Variants in SLC14A2 observed in about 807,000 individuals in gnomAD.
SLC14A2 encodes solute carrier family 14 member 2, also known as urea transporter 2.
Under a neutral mutation model 104.6 loss-of-function variants are expected in SLC14A2, and 91 were observed. That is an observed-to-expected ratio of 0.87 (90% CI 0.73 to 1.04). The LOEUF (loss-of-function observed/expected upper bound fraction) is 1.04. Among genes scored for constraint, SLC14A2 ranks in the 50% least tolerant of loss-of-function variants. The pLI, the probability that SLC14A2 is intolerant of heterozygous loss-of-function variation, is 0.00. For synonymous variants in SLC14A2, 476 were observed against 466.4 expected (o/e 1.02, Z -0.27); for missense variants, 1,189 against 1,156.0 (o/e 1.03, Z -0.41).
chr18:45,673,929 T>C, intron 18 of SLC14A2, 112 bp downstream of exon 18: 1 of 1,091,096 alleles, frequency 9.2e-7, no homozygotes, highest in Non-Finnish European at 1.3e-6. Flanking sequence ...AACACTATTT[T>C]CACTGAATAC....
chr18:45,667,068 TGAA>T lies in SLC14A2; in HGVS notation c.1693_1695del (p.Lys565del). Reference sequence around the variant, plus strand: ...GCCCTCAGCTACATCACAGGAGAGATGAAGGAGTGTGGAGAGGGACTTAAAGGT... The same window carrying T: ...GCCCTCAGCTACATCACAGGAGAGATGGAGTGTGGAGAGGGACTTAAAGGT... On this transcript the variant is annotated inframe_deletion, in exon 13 of 20. Transcript: ENST00000255226. 1 of 1,613,784 alleles carries T rather than the reference TGAA, an allele frequency of 6.2e-7. No homozygotes were observed. The highest frequency in any genetic ancestry group is 8.5e-7 in the Non-Finnish European group (1 of 1,179,816).
intron 1 of SLC14A2, among the ~76,000 whole-genome samples, chr18:45,250,465 C>G (rs1346445415): frequency 6.6e-6 from 1 of 150,522 alleles, no homozygotes; most frequent in Non-Finnish European, 1.5e-5. Context: ...TCTCTTTTTT[C>G]TCTCCTTCCT....
intron 1 of SLC14A2, among the ~76,000 whole-genome samples, chr18:45,221,675 A>G (rs2084063708): frequency 2.0e-5 from 3 of 152,166 alleles, no homozygotes; most frequent in African/African-American, 2.4e-5. Context: ...AGTCAGCAGG[A>G]AAGTTTCAGT....
chr18:45,322,473 A>G (rs1599673761), intron 1 of SLC14A2, among the ~76,000 whole-genome samples: 2 of 152,248 alleles, frequency 1.3e-5, no homozygotes. Context: ...TGGGACTTAC[A>G]TAACGTTCTG....
intron 1 of SLC14A2, among the ~76,000 whole-genome samples, chr18:45,414,124 A>G (rs1040909056): frequency 2.0e-5 from 3 of 152,226 alleles, no homozygotes; most frequent in African/African-American, 7.2e-5. Flanking sequence ...TTTATTATTT[A>G]CTGCAAATGG....
chr18:45,611,127 C>T (rs1468359317), upstream of SLC14A2, among the ~76,000 whole-genome samples: 4 of 152,148 alleles, frequency 2.6e-5, no homozygotes, highest in South Asian at 2.1e-4. Context: ...CCTACCCTCA[C>T]CAAACACCAG....
At chr18:45,521,843 G>A (rs1330963359) in intron 2 of SLC14A2, among the ~76,000 whole-genome samples, 1 of 152,026 alleles carries the variant, frequency 6.6e-6, no homozygotes, top group African/African-American at 2.4e-5. Flanking sequence ...TCAAGCTGAG[G>A]GAGGCAGGAA....
chr18:45,281,422 T>C lies in SLC14A2; in HGVS notation c.-125+68231T>C, dbSNP rs73427934. 3.6e-3 allele frequency among the ~76,000 whole-genome samples: 545 copies of C among 152,348 alleles called. 2 individuals carry two copies. Among genetic ancestry groups the C allele is most frequent in the African/African-American group, 0.013 (520 of 41,580 alleles). On this transcript the variant is annotated intron_variant, in intron 1 of 20. Coordinates refer to the SLC14A2 transcript ENST00000586448. ...CAGGCAGGATTATCATTGGTCTGCA[T>C]GTTACATGAACAACAAAATGTCGGA...
chr18:45,194,300 C>T, the SLC14A2 span, among the ~76,000 whole-genome samples: 512 of 152,240 alleles, frequency 3.4e-3, 6 homozygotes, highest in African/African-American at 0.012. Context: ...GCCTTTAAAT[C>T]TTTTACCAGT....
intron 2 of SLC14A2, among the ~76,000 whole-genome samples, chr18:45,517,283 C>T (rs901687361): frequency 1.3e-5 from 2 of 152,170 alleles, no homozygotes; most frequent in East Asian, 1.9e-4. Context: ...TCTCATGAGA[C>T]GCGGCCCTGG....
At chr18:45,284,150 T>C (rs1441433158) in intron 1 of SLC14A2, among the ~76,000 whole-genome samples, 1 of 152,248 alleles carries the variant, frequency 6.6e-6, no homozygotes, top group Non-Finnish European at 1.5e-5. Context: ...TATATTTCTA[T>C]TGGACAAAAC....
chr18:45,200,588 A>G, the SLC14A2 span, among the ~76,000 whole-genome samples: 1 of 152,080 alleles, frequency 6.6e-6, no homozygotes, highest in Non-Finnish European at 1.5e-5. Context: ...TCTACCCTCA[A>G]AGTCATTTTT....
At chr18:45,297,828 G>A (rs997193136) in intron 1 of SLC14A2, among the ~76,000 whole-genome samples, 2 of 152,130 alleles carry the variant, frequency 1.3e-5, no homozygotes, top group African/African-American at 4.8e-5. Flanking sequence ...CAAATAGCAG[G>A]CACCCAACCA....
In SLC14A2 at chr18:45,673,713, T is replaced by C. The variant is rs779788784; in HGVS notation, c.2408T>C (p.Ile803Thr). 5.0e-6 allele frequency: 8 copies of C among 1,613,960 alleles called. No individual in the cohort carries two copies. The highest frequency in any genetic ancestry group is 6.8e-6 in the Non-Finnish European group (8 of 1,179,982). Residue 803 changes from isoleucine to threonine, a missense_variant, in exon 18 of 20, where the codon ATC becomes ACC. Physicochemically the swap from Ile to Thr is moderately conservative, Grantham distance 89. Coordinates refer to ENST00000255226, the MANE Select transcript of SLC14A2 (RefSeq NM_007163.4). ...ACTATTGCGACGCCCTTTGACTCCA[T>C]CTACTTCGGCCTGTGTGGCTTCAAC... ...ALTIATPFDS[I>T]YFGLCGFNST...
At position 45,682,832 on chromosome 18, in the gene SLC14A2, C is replaced by T. The variant is rs796860080; in HGVS notation, c.*313C>T. On this transcript the variant is annotated 3_prime_UTR_variant, in exon 20 of 20. Coordinates refer to ENST00000255226, the MANE Select transcript of SLC14A2 (RefSeq NM_007163.4). ...GTCACCGGCCGGGCACGGTGGCTCA[C>T]GCCTGTAATCCCAGCACTTTGGGAG... is the stretch of plus-strand genomic sequence containing the variant. 17 of 304,138 alleles carry T rather than the reference C, an allele frequency of 5.6e-5. No individual in the cohort carries two copies. The highest frequency in any genetic ancestry group is 2.8e-4 in the African/African-American group (13 of 46,694). The allele number at this position is 304,138 out of a possible 1,614,324, so 18.8% of individuals were successfully genotyped here. A position where few individuals can be genotyped will look rare whatever the true frequency, so the allele number is the denominator to read the frequency against.
At chr18:45,360,071 C>A (rs559233249) in intron 1 of SLC14A2, among the ~76,000 whole-genome samples, 1 of 152,210 alleles carries the variant, frequency 6.6e-6, no homozygotes, top group Admixed American at 6.5e-5. Context: ...TACTCAGCTC[C>A]GGACTTCTGC....
At chr18:45,256,955 C>A (rs1484520450) in intron 1 of SLC14A2, among the ~76,000 whole-genome samples, 2 of 152,256 alleles carry the variant, frequency 1.3e-5, no homozygotes, top group Non-Finnish European at 2.9e-5. Context: ...TATATTACCC[C>A]TTTACATGGA....
At chr18:45,184,874 A>T in the SLC14A2 span, among the ~76,000 whole-genome samples, 3 of 152,186 alleles carry the variant, frequency 2.0e-5, no homozygotes. Context: ...AGCTTCACCT[A>T]TGCCTGTGGG....
At chr18:45,357,324 G>A (rs2085565160) in intron 1 of SLC14A2, among the ~76,000 whole-genome samples, 1 of 149,310 alleles carries the variant, frequency 6.7e-6, no homozygotes, top group South Asian at 2.1e-4. Context: ...GGAATTGGAA[G>A]AAAGAGGCCA....
Sources: allele counts gnomAD v4.1 joint callset (sites outside exome capture counted in the v4.1 genomes callset), GRCh38; gene constraint gnomAD v4.1.1; transcripts MANE v1.5; gene names NCBI Gene and HGNC (gene_info 2026-07-23, HGNC 2026-07-21).